The following PACSIN2 variants were observed in gnomAD, a reference collection of about 807,000 sequenced individuals.
The protein encoded by PACSIN2 is protein kinase C and casein kinase substrate in neurons protein 2.
In PACSIN2, 25 loss-of-function variants were observed where a neutral mutation model predicts 63.8. That is an observed-to-expected ratio of 0.39 (90% CI 0.29 to 0.55). The LOEUF (loss-of-function observed/expected upper bound fraction) is 0.55. Among genes scored for constraint, PACSIN2 ranks in the 20% least tolerant of loss-of-function variants. PACSIN2 has a pLI of 0.62. For missense variants in PACSIN2, 518 were observed against 646.9 expected (o/e 0.80, Z 2.16); for synonymous variants, 255 against 256.2 (o/e 1.00, Z 0.05).
At chr22:42,902,019 C>T (rs1025949758) in intron 2 of PACSIN2, among the ~76,000 whole-genome samples, 2 of 152,234 alleles carry the variant, frequency 1.3e-5, no homozygotes, top group Admixed American at 6.5e-5. Context: ...CATTTCTGAG[C>T]GTCTGGCAAC....
chr22:42,882,511 C>T (rs1198332762), intron 6 of PACSIN2, among the ~76,000 whole-genome samples: 1 of 152,162 alleles, frequency 6.6e-6, no homozygotes, highest in Non-Finnish European at 1.5e-5. Context: ...AGCTTTAAAT[C>T]AAACCAGCCA....
intron 1 of PACSIN2, among the ~76,000 whole-genome samples, chr22:42,974,846 G>A (rs552121695): frequency 1.8e-3 from 281 of 151,976 alleles, no homozygotes; most frequent in African/African-American, 6.3e-3. Flanking sequence ...GGAGGAGGAC[G>A]AGGAGAAGGA....
intron 2 of PACSIN2, among the ~76,000 whole-genome samples, chr22:42,895,047 T>C (rs1252142908): frequency 6.6e-6 from 1 of 152,128 alleles, no homozygotes; most frequent in African/African-American, 2.4e-5. Flanking sequence ...CCCTGGAAGG[T>C]GGTTAGCCTG....
In PACSIN2 at chr22:42,935,001, C is replaced by T. The variant is rs568282823; in HGVS notation, c.-77-22844G>A. 3.9e-5 allele frequency among the ~76,000 whole-genome samples: 6 copies of T among 152,116 alleles called. No homozygotes were observed. In the East Asian group the frequency reaches 1.2e-3, roughly 29 times the overall value. ...CGCAATCTCGGCTCACTGCAAGCTC[C>T]ACCTCCCAGGTTCACGCCATTCTCC... On this transcript the variant is annotated intron_variant, in intron 1 of 10. Transcript: ENST00000263246.
At chr22:42,882,409 A>G in intron 6 of PACSIN2, 105 bp from the exon 7 acceptor site, 1 of 1,337,850 alleles carries the variant, frequency 7.5e-7, no homozygotes, top group Non-Finnish European at 1.0e-6. Context: ...GCCCTCTGTG[A>G]GTTGGTTTCA....
chr22:42,990,831 T>G (rs200030603), intron 1 of PACSIN2, among the ~76,000 whole-genome samples: 28,472 of 151,976 alleles, frequency 0.19, 4,204 homozygotes, highest in East Asian at 0.69. Context: ...GAAACCACTC[T>G]ATTTGGCTCA....
intron 1 of PACSIN2, among the ~76,000 whole-genome samples, chr22:42,997,997 C>G (rs1053154744): frequency 2.0e-5 from 3 of 152,226 alleles, no homozygotes; most frequent in African/African-American, 7.2e-5. Flanking sequence ...AGAGCAAAAT[C>G]TAACAGGCCA....
At chr22:42,933,314 A>T (rs1932820770) in intron 1 of PACSIN2, among the ~76,000 whole-genome samples, 1 of 152,252 alleles carries the variant, frequency 6.6e-6, no homozygotes, top group Non-Finnish European at 1.5e-5. Context: ...TACCTCTCTG[A>T]ATAATCCTGC....
At chr22:42,899,380 C>T (rs1930513594) in intron 2 of PACSIN2, among the ~76,000 whole-genome samples, 4 of 152,118 alleles carry the variant, frequency 2.6e-5, no homozygotes, top group Admixed American at 2.6e-4. Flanking sequence ...CTCTGCCTCC[C>T]GGGTTTAAGC....
intron 5 of PACSIN2, among the ~76,000 whole-genome samples, chr22:42,887,146 A>T (rs1929549894): frequency 6.6e-6 from 1 of 152,096 alleles, no homozygotes; most frequent in Admixed American, 6.5e-5. Context: ...ACCTGATCCC[A>T]CCGTGGAGGC....
At chr22:43,000,339 C>T (rs1186325538) in intron 1 of PACSIN2, among the ~76,000 whole-genome samples, 1 of 152,194 alleles carries the variant, frequency 6.6e-6, no homozygotes, top group Non-Finnish European at 1.5e-5. Flanking sequence ...CAACTCTACC[C>T]CAAGGAGAGA....
intron 2 of PACSIN2, among the ~76,000 whole-genome samples, chr22:42,909,804 C>T (rs572558900): frequency 1.6e-4 from 24 of 152,138 alleles, no homozygotes; most frequent in Non-Finnish European, 2.9e-4. Context: ...TGTAATAGCA[C>T]TATATTTAGC....
chr22:43,014,556 A>G (rs1924754442), intron 1 of PACSIN2, among the ~76,000 whole-genome samples: 1 of 151,578 alleles, frequency 6.6e-6, no homozygotes, highest in Non-Finnish European at 1.5e-5. Flanking sequence ...ACCCTCGCCT[A>G]ACCTCTGCAC....
rs991594289 is a variant in PACSIN2 at position 42,962,790 on chromosome 22, G to C, written c.-77-50633C>G. On this transcript the variant is annotated intron_variant, in intron 1 of 10. Coordinates refer to ENST00000263246, the MANE Select transcript of PACSIN2 (RefSeq NM_001184970.3). ...AAGGTGTGGGCGGGGGGGGGGGGCG[G>C]CGCAGAAAAAGAAAACTGACTTTGA... Among the ~76,000 whole-genome samples the C allele has an allele frequency of 6.9e-5, 10 of 143,932 alleles. 1 individual carries two copies. The highest frequency in any genetic ancestry group is 2.2e-4 in the East Asian group (1 of 4,610). 94.4% of individuals were successfully genotyped at this position (143,932 alleles called of 152,430 possible). A position where few individuals can be genotyped will look rare whatever the true frequency, so the allele number is the denominator to read the frequency against.
chr22:42,984,735 C>G (rs1433893972), intron 1 of PACSIN2, among the ~76,000 whole-genome samples: 1 of 152,152 alleles, frequency 6.6e-6, no homozygotes, highest in Non-Finnish European at 1.5e-5. Context: ...GAGCTGTGGC[C>G]TTTGACACTT....
chr22:42,881,297 C>T lies in PACSIN2; in HGVS notation c.906+887G>A, dbSNP rs186232168. Among the ~76,000 whole-genome samples the T allele has an allele frequency of 2.6e-4, 39 of 152,330 alleles. No individual in the cohort carries two copies. The East Asian group carries it at 7.1e-3, about 28-fold the overall frequency. ...ACAAAGTCACCATGTTCCCTAACAG[C>T]CCCCGACAGGAGATGGGTGCTCTTG... is the stretch of plus-strand genomic sequence containing the variant. On this transcript the variant is annotated intron_variant, in intron 7 of 10. Coordinates refer to ENST00000263246, the MANE Select transcript of PACSIN2 (RefSeq NM_001184970.3).
intron 5 of PACSIN2, 60 bp downstream of exon 5, chr22:42,888,583 C>T: frequency 6.4e-7 from 1 of 1,555,372 alleles, no homozygotes; most frequent in Admixed American, 1.7e-5. Flanking sequence ...GGCTATATGC[C>T]AGACACGTCA....
Position 42,994,575 on chromosome 22 carries a change from G to A in PACSIN2, c.-78+20446C>T, listed in dbSNP as rs575222374. ...CCTCAGCAGGACACGCCAGGGAGGC[G>A]GCCCATGCAGGCCATGTAAGGGGTC... On this transcript the variant is annotated intron_variant, in intron 1 of 10. Coordinates refer to ENST00000263246, the MANE Select transcript of PACSIN2 (RefSeq NM_001184970.3). Among the ~76,000 whole-genome samples, 386 of 152,326 alleles carry A rather than the reference G, an allele frequency of 2.5e-3. 2 individuals carry two copies. The highest frequency in any genetic ancestry group is 9.2e-3 in the African/African-American group (381 of 41,572).
At chr22:42,900,724 T>G (rs374064300) in intron 2 of PACSIN2, among the ~76,000 whole-genome samples, 1 of 152,168 alleles carries the variant, frequency 6.6e-6, no homozygotes, top group South Asian at 2.1e-4. Context: ...TCCTCCCAAC[T>G]TGGACTCCCA....
Sources: gnomAD v4.1 joint callset for allele counts (sites outside exome capture counted in the v4.1 genomes callset) on GRCh38, gnomAD v4.1.1 for gene constraint, MANE v1.5 for transcripts, NCBI Gene and HGNC (gene_info 2026-07-23, HGNC 2026-07-21) for gene names.